CMSS1: variants seen among roughly 807,000 people sequenced by gnomAD.
CMSS1 encodes the protein cms1 ribosomal small subunit homolog, also known as protein CMSS1.
In CMSS1, 33 loss-of-function variants were observed where a neutral mutation model predicts 43.5. The ratio of observed to expected loss-of-function variants is 0.76; its 90% CI spans 0.57 to 1.01. The LOEUF (loss-of-function observed/expected upper bound fraction) is 1.01. Ranked by LOEUF, CMSS1 falls within the 50% of genes least tolerant of loss-of-function variation. The probability of loss-of-function intolerance (pLI) is 0.00; values close to 1 mark genes in which losing one functional copy is unlikely to be tolerated. For synonymous variants in CMSS1, 115 were observed against 117.2 expected (o/e 0.98, Z 0.12); for missense variants, 313 against 326.4 (o/e 0.96, Z 0.32).
intron 1 of CMSS1, among the ~76,000 whole-genome samples, chr3:100,111,927 A>C (rs1203027464): frequency 6.6e-6 from 1 of 152,208 alleles, no homozygotes; most frequent in Non-Finnish European, 1.5e-5. Context: ...ACACAGATTC[A>C]AATCACTAGT....
intron 1 of CMSS1, among the ~76,000 whole-genome samples, chr3:100,097,935 G>GT (rs1435256922): frequency 6.6e-6 from 1 of 152,078 alleles, no homozygotes; most frequent in Non-Finnish European, 1.5e-5. Context: ...TATTTTGTTG[G>GT]TTTTTTAAAA....
At chr3:100,016,306 C>A (rs2107213700) in intron 1 of CMSS1, among the ~76,000 whole-genome samples, 1 of 152,300 alleles carries the variant, frequency 6.6e-6, no homozygotes, top group East Asian at 1.9e-4. Flanking sequence ...GATTCTCCTG[C>A]CTCAGCCTCC....
At chr3:99,847,949 T>C (rs999792067) in intron 1 of CMSS1, 4 of 1,009,526 alleles carry the variant, frequency 4.0e-6, no homozygotes, top group South Asian at 4.4e-5. Flanking sequence ...AATTATTTAC[T>C]GTTTTATAAT....
intron 1 of CMSS1, among the ~76,000 whole-genome samples, chr3:99,861,075 C>T (rs192261422): frequency 7.2e-5 from 11 of 152,208 alleles, no homozygotes; most frequent in Non-Finnish European, 1.0e-4. Flanking sequence ...TTTCCTCCCC[C>T]ACCCCCTGCT....
At chr3:99,930,834 G>A in intron 1 of CMSS1, 1 of 1,612,516 alleles carries the variant, frequency 6.2e-7, no homozygotes, top group Non-Finnish European at 8.5e-7. Flanking sequence ...TCTTCTGCTT[G>A]GTGGCCATTA....
intron 1 of CMSS1, among the ~76,000 whole-genome samples, chr3:99,871,284 C>A (rs1944773455): frequency 6.6e-6 from 1 of 152,144 alleles, no homozygotes; most frequent in Non-Finnish European, 1.5e-5. Flanking sequence ...AAGGGGCCCT[C>A]CACAGCCCAC....
chr3:99,874,395 A>G (rs1309317016), intron 1 of CMSS1: 1 of 152,172 alleles, frequency 6.6e-6, no homozygotes, highest in East Asian at 1.9e-4. Flanking sequence ...ATTACCGCTT[A>G]TATCAGATAA....
At chr3:99,886,066 A>T (rs1705884672) in intron 1 of CMSS1, among the ~76,000 whole-genome samples, 1 of 152,256 alleles carries the variant, frequency 6.6e-6, no homozygotes, top group South Asian at 2.1e-4. Context: ...TCCTTTCTAT[A>T]TCAAGGAAGG....
intron 1 of CMSS1, among the ~76,000 whole-genome samples, chr3:99,831,116 G>T (rs140249044): frequency 6.6e-6 from 1 of 152,256 alleles, no homozygotes; most frequent in Admixed American, 6.5e-5. Context: ...ATGTAGAGAG[G>T]CAGTCAAGGA....
At chr3:99,829,854 T>C (rs910075658) in intron 1 of CMSS1, among the ~76,000 whole-genome samples, 1 of 152,254 alleles carries the variant, frequency 6.6e-6, no homozygotes, top group African/African-American at 2.4e-5. Context: ...TCGGCTGTTA[T>C]TCACTTTTGT....
intron 4 of CMSS1, among the ~76,000 whole-genome samples, chr3:100,164,899 A>C (rs2067053795): frequency 6.6e-6 from 1 of 152,164 alleles, no homozygotes; most frequent in Non-Finnish European, 1.5e-5. Flanking sequence ...AATATTGTGC[A>C]CTGTACATTG....
chr3:100,089,543 A>G (rs1309090677), intron 1 of CMSS1, among the ~76,000 whole-genome samples: 1 of 152,216 alleles, frequency 6.6e-6, no homozygotes, highest in East Asian at 1.9e-4. Flanking sequence ...ATGTCAAGCA[A>G]AAAGGATAGG....
chr3:99,874,025 G>C (rs1214058881), intron 1 of CMSS1, among the ~76,000 whole-genome samples: 1 of 152,192 alleles, frequency 6.6e-6, no homozygotes, highest in Admixed American at 6.5e-5. Context: ...GTGTGAGATA[G>C]GGTATCCATG....
intron 1 of CMSS1, among the ~76,000 whole-genome samples, chr3:100,103,465 G>A (rs746534346): frequency 6.6e-6 from 1 of 152,228 alleles, no homozygotes; most frequent in African/African-American, 2.4e-5. Context: ...CTAGGTGTGA[G>A]CTCCTTTGTG....
At chr3:100,119,654 C>T (rs1390922539) in intron 1 of CMSS1, among the ~76,000 whole-genome samples, 1 of 152,118 alleles carries the variant, frequency 6.6e-6, no homozygotes, top group Non-Finnish European at 1.5e-5. Flanking sequence ...AGAGTAGCAG[C>T]CCCAGAGGAA....
At chr3:99,930,890 G>A (rs775003975) in intron 1 of CMSS1, 48 of 1,613,146 alleles carry the variant, frequency 3.0e-5, no homozygotes, top group Middle Eastern at 1.6e-4. Flanking sequence ...TATTACATCC[G>A]ACTCACTGGG....
At chr3:99,907,543 G>T (rs1706659043) in intron 1 of CMSS1, among the ~76,000 whole-genome samples, 1 of 152,086 alleles carries the variant, frequency 6.6e-6, no homozygotes, top group South Asian at 2.1e-4. Context: ...CAACGCACCT[G>T]GCGTACCCCT....
intron 1 of CMSS1, among the ~76,000 whole-genome samples, chr3:99,884,466 A>G (rs1438594519): frequency 6.6e-6 from 1 of 152,190 alleles, no homozygotes. Flanking sequence ...CTCTATAAAG[A>G]AGTTCCAGGG....
At chr3:99,857,896 T>C (rs1046394650) in intron 1 of CMSS1, among the ~76,000 whole-genome samples, 2 of 152,234 alleles carry the variant, frequency 1.3e-5, no homozygotes, top group African/African-American at 2.4e-5. Context: ...ATTCATTTAA[T>C]ATACAAACAA....
Sources: gnomAD v4.1 joint callset for allele counts (sites outside exome capture counted in the v4.1 genomes callset) on GRCh38, gnomAD v4.1.1 for gene constraint, MANE v1.5 for transcripts, NCBI Gene and HGNC (gene_info 2026-07-23, HGNC 2026-07-21) for gene names.